CREB5: variants seen among roughly 807,000 people sequenced by gnomAD.
CREB5 encodes cAMP responsive element binding protein 5.
CREB5 carries 19 observed loss-of-function variants against 57.1 expected under a neutral mutation model. The ratio of observed to expected loss-of-function variants is 0.33; its 90% confidence interval spans 0.23 to 0.49. The LOEUF is 0.49. CREB5 is among the 20% of genes least tolerant of loss of function. The pLI is 0.99. For missense variants in CREB5, 579 were observed against 671.6 expected (o/e 0.86, Z 1.52); for synonymous variants, 238 against 238.3 (o/e 1.00, Z 0.01).
chr7:28,531,122 G>A (rs560599411), intron 4 of CREB5, among the ~76,000 whole-genome samples: 8 of 152,192 alleles, frequency 5.3e-5, no homozygotes, highest in African/African-American at 1.9e-4. Context: ...CAATCCATGG[G>A]TGCAAAGTAA....
At chr7:28,647,301 C>T (rs1376282858) in intron 5 of CREB5, among the ~76,000 whole-genome samples, 1 of 151,858 alleles carries the variant, frequency 6.6e-6, no homozygotes, top group East Asian at 2.0e-4. Context: ...CCTGGAGTCA[C>T]AGACTAGGGT....
At chr7:28,372,210 A>G (rs1157851035) in intron 1 of CREB5, among the ~76,000 whole-genome samples, 2 of 152,226 alleles carry the variant, frequency 1.3e-5, no homozygotes, top group Non-Finnish European at 2.9e-5. Flanking sequence ...GCAGATACAT[A>G]CATTACTAAT....
chr7:28,406,635 G>A lies in CREB5; in HGVS notation c.-24-88271G>A, dbSNP rs555277366. ...CCTAGTGGTGGTGCTGGCACCCCAG[G>A]GGGCAAATGCCCCAGGCCATGGCCA... On this transcript the variant is annotated intron_variant, in intron 1 of 9. Coordinates refer to the CREB5 transcript ENST00000396299. Among the ~76,000 whole-genome samples the A allele has an allele frequency of 2.1e-3, 326 of 152,328 alleles. 3 individuals carry two copies. The highest frequency in any genetic ancestry group is 7.5e-3 in the African/African-American group (311 of 41,574).
chr7:28,477,396 G>GT (rs1791120548), intron 1 of CREB5, among the ~76,000 whole-genome samples: 1 of 144,782 alleles, frequency 6.9e-6, no homozygotes, highest in Non-Finnish European at 1.5e-5. Flanking sequence ...CAGGTTCTGG[G>GT]TTTTTCCTAG....
intron 5 of CREB5, among the ~76,000 whole-genome samples, chr7:28,666,171 A>G (rs1313441578): frequency 1.3e-5 from 2 of 152,200 alleles, no homozygotes; most frequent in Non-Finnish European, 2.9e-5. Flanking sequence ...TGTCATACCC[A>G]AAATCAGAAA....
chr7:28,474,927 T>C (rs972842409), intron 1 of CREB5, among the ~76,000 whole-genome samples: 40 of 152,322 alleles, frequency 2.6e-4, no homozygotes, highest in Non-Finnish European at 4.4e-4. Context: ...TAAAAACGCC[T>C]GACACATAGG....
At chr7:28,390,041 A>AG (rs1237326712) in intron 1 of CREB5, among the ~76,000 whole-genome samples, 8 of 126,752 alleles carry the variant, frequency 6.3e-5, no homozygotes, top group African/African-American at 2.1e-4. Context: ...GTCAAGTAGG[A>AG]GGGTTTTTTT....
intron 1 of CREB5, among the ~76,000 whole-genome samples, chr7:28,306,692 C>G (rs1427201989): frequency 1.3e-5 from 2 of 150,798 alleles, no homozygotes; most frequent in African/African-American, 2.4e-5. Context: ...TCCCGAGTAG[C>G]TGGGACTACA....
In CREB5 at chr7:28,538,703, A is replaced by G. The variant is rs146656552; in HGVS notation, c.291+30966A>G. Among the ~76,000 whole-genome samples, 655 of 152,228 alleles carry G rather than the reference A, an allele frequency of 4.3e-3. 7 individuals are homozygous for G. Among genetic ancestry groups the G allele is most frequent in the African/African-American group, 0.015 (641 of 41,536 alleles). ...ATACTTCGATCATTGATTTTCAGCCACTTTTCCTTTCTAATATGTGCATTT... is the reference window on the plus strand; with the variant it reads ...ATACTTCGATCATTGATTTTCAGCCGCTTTTCCTTTCTAATATGTGCATTT... On this transcript the variant is annotated intron_variant, in intron 4 of 10. Coordinates refer to ENST00000357727, the MANE Select transcript of CREB5 (RefSeq NM_182898.4).
At chr7:28,690,851 C>CT (rs912129157) in intron 5 of CREB5, among the ~76,000 whole-genome samples, 38 of 152,018 alleles carry the variant, frequency 2.5e-4, no homozygotes, top group Admixed American at 6.5e-4. Context: ...TCTGTTATGC[C>CT]TTTTTTTTAA....
At chr7:28,326,197 CTATCTAT>C in intron 1 of CREB5, among the ~76,000 whole-genome samples, 1 of 145,306 alleles carries the variant, frequency 6.9e-6, no homozygotes, top group East Asian at 1.9e-4. Context: ...ATCTATCTAT[CTATCTAT>C]CTATCTACCT....
chr7:28,719,967 GGA>G (rs1257656222), intron 6 of CREB5, among the ~76,000 whole-genome samples: 1 of 152,206 alleles, frequency 6.6e-6, no homozygotes, highest in Non-Finnish European at 1.5e-5. Context: ...AGCTGAGGCA[GGA>G]GAATCGCTTG....
chr7:28,358,760 G>C lies in CREB5; in HGVS notation c.-25+59319G>C, dbSNP rs149552064. On this transcript the variant is annotated intron_variant, in intron 1 of 9. Transcript: ENST00000396299. ...CCAAGTGGTAAAGTGGTATTTGTGA[G>C]TCAGTCCTCCCTCTGAGTCAGAAAT... Among the ~76,000 whole-genome samples, 189 of 152,288 alleles carry C rather than the reference G, an allele frequency of 1.2e-3. 1 individual carries two copies. The highest frequency in any genetic ancestry group is 4.0e-3 in the African/African-American group (166 of 41,552).
intron 1 of CREB5, among the ~76,000 whole-genome samples, chr7:28,482,791 G>A (rs1332885136): frequency 2.0e-5 from 3 of 152,172 alleles, no homozygotes; most frequent in African/African-American, 7.2e-5. Flanking sequence ...TATTGTTAGT[G>A]CTCACTGATA....
intron 1 of CREB5, among the ~76,000 whole-genome samples, chr7:28,313,388 A>G (rs923436800): frequency 1.3e-5 from 2 of 152,296 alleles, no homozygotes; most frequent in East Asian, 3.9e-4. Context: ...CCCTTTTGAC[A>G]GTAGAGTTAA....
intron 4 of CREB5, among the ~76,000 whole-genome samples, chr7:28,542,919 T>G (rs1794262126): frequency 6.6e-6 from 1 of 152,208 alleles, no homozygotes; most frequent in Admixed American, 6.5e-5. Flanking sequence ...CACAGTGGTC[T>G]CCAAGCTGCA....
At chr7:28,743,764 G>A (rs1385508366) in intron 7 of CREB5, among the ~76,000 whole-genome samples, 2 of 148,840 alleles carry the variant, frequency 1.3e-5, no homozygotes, top group East Asian at 4.0e-4. Context: ...TCCTTGGCTT[G>A]TAGATGGCCA....
At chr7:28,526,970 A>T (rs752957063) in intron 4 of CREB5, among the ~76,000 whole-genome samples, 2 of 152,216 alleles carry the variant, frequency 1.3e-5, no homozygotes, top group Non-Finnish European at 2.9e-5. Flanking sequence ...ACACCTGGAC[A>T]CATACTCTAC....
In CREB5 at chr7:28,359,216, A is replaced by AAAAC. The variant is rs1472207678; in HGVS notation, c.-25+59779_-25+59782dup. Among the ~76,000 whole-genome samples the AAAAC allele has an allele frequency of 8.3e-5, 8 of 96,490 alleles. No homozygotes were observed. In the East Asian group the frequency reaches 1.9e-3, roughly 23 times the overall value. The allele number at this position is 96,490 out of a possible 152,430, so 63.3% of individuals were successfully genotyped here. A position where few individuals can be genotyped will look rare whatever the true frequency, so the allele number is the denominator to read the frequency against. ...AACCCAAAAAAGCGAATACACACACAAAACAAATAAAAAAAAAAAAGCTTT... is the reference window on the plus strand; with the variant it reads ...AACCCAAAAAAGCGAATACACACACAAAACAAACAAATAAAAAAAAAAAAGCTTT... On this transcript the variant is annotated intron_variant, in intron 1 of 9. Transcript: ENST00000396299.
Sources: gnomAD v4.1 joint callset for allele counts (sites outside exome capture counted in the v4.1 genomes callset) on GRCh38, gnomAD v4.1.1 for gene constraint, MANE v1.5 for transcripts, NCBI Gene and HGNC (gene_info 2026-07-23, HGNC 2026-07-21) for gene names.